The following DPM1 variants were observed in gnomAD, a reference collection of about 807,000 sequenced individuals.
DPM1 encodes the protein dolichol-phosphate mannosyltransferase subunit 1.
Under a neutral mutation model 39.0 loss-of-function variants are expected in DPM1, and 27 were observed. The ratio of observed to expected loss-of-function variants is 0.69; its 90% confidence interval spans 0.51 to 0.95. DPM1 has a LOEUF of 0.95. DPM1 is among the 40% of genes least tolerant of loss of function. The probability of loss-of-function intolerance (pLI) is 0.00; values close to 1 mark genes in which losing one functional copy is unlikely to be tolerated. For missense variants in DPM1, 307 were observed against 315.6 expected, an observed-to-expected ratio of 0.97 and a Z score of 0.21; for synonymous variants, 124 against 109.0, an observed-to-expected ratio of 1.14 and a Z score of -0.86.
chr20:50,948,544 C>A, intron 3 of DPM1, 85 bp downstream of exon 3: 1 of 1,253,500 alleles, frequency 8.0e-7, no homozygotes, highest in Non-Finnish European at 1.2e-6. Flanking sequence ...TGTATTTTGG[C>A]CCTATTCCAA....
chr20:50,938,846 G>A (rs979245557), intron 7 of DPM1, among the ~76,000 whole-genome samples: 4 of 151,624 alleles, frequency 2.6e-5, no homozygotes, highest in African/African-American at 9.7e-5. Context: ...AGGCATGGTG[G>A]CGCACGCCTG....
rs945660974 is a variant in DPM1, at chr20:50,947,189, G to C, written c.296-1266C>G. Among the ~76,000 whole-genome samples, 70 of 151,872 alleles carry C rather than the reference G, an allele frequency of 4.6e-4. 1 individual carries two copies. The highest frequency in any genetic ancestry group is 1.7e-3 in the African/African-American group (69 of 41,364). On this transcript the variant is annotated intron_variant, in intron 3 of 8. Coordinates refer to ENST00000371588, the MANE Select transcript of DPM1 (RefSeq NM_003859.3). ...CGTCATCGCACCCCAGCCTGGGCAA[G>C]AAGAGCGAAACTCCGTCTCAAACAA...
intron 5 of DPM1, 99 bp from the exon 6 acceptor site, chr20:50,942,225 A>C: frequency 9.1e-7 from 1 of 1,104,098 alleles, no homozygotes; most frequent in Non-Finnish European, 1.4e-6. Context: ...AAGTCGACAC[A>C]GGCTGGGTGC....
intron 2 of DPM1, among the ~76,000 whole-genome samples, chr20:50,951,001 C>G (rs1986546137): frequency 6.6e-6 from 1 of 152,202 alleles, no homozygotes; most frequent in African/African-American, 2.4e-5. Flanking sequence ...CTTATATATA[C>G]TTTTTCTTAT....
intron 5 of DPM1, chr20:50,944,280 GTCT>G (rs1315901684): frequency 6.6e-6 from 1 of 152,182 alleles, no homozygotes; most frequent in Non-Finnish European, 1.5e-5. Flanking sequence ...CAGGAAGAAC[GTCT>G]TCTTTTATTA....
At chr20:50,937,870 C>T (rs892148360) in intron 7 of DPM1, among the ~76,000 whole-genome samples, 27 of 151,938 alleles carry the variant, frequency 1.8e-4, no homozygotes, top group African/African-American at 6.5e-4. Context: ...GAGACGGAGA[C>T]TCACTATGTT....
Position 50,945,917 on chromosome 20 carries a change from G to A in DPM1, c.302C>T (p.Ala101Val), listed in dbSNP as rs775392921. 1 of 1,612,738 alleles carries A rather than the reference G, an allele frequency of 6.2e-7. No individual in the cohort carries two copies. Among genetic ancestry groups the A allele is most frequent in the South Asian group, 1.1e-5 (1 of 91,044 alleles). Residue 101 changes from alanine (A) to valine (V), a missense_variant, in exon 4 of 9, where the codon GCA becomes GTA. Coordinates refer to ENST00000371588, the MANE Select transcript of DPM1 (RefSeq NM_003859.3). ...GGCATGTTTCATTCCATGAATATAT[G>A]CAGTTCCTAAAAATGAAAGTAGATC... is the stretch of plus-strand genomic sequence containing the variant. The part of the protein sequence containing the change: ...PREKKLGLGT[A>V]YIHGMKHATG...
At chr20:50,950,187 A>G (rs934707256) in intron 2 of DPM1, among the ~76,000 whole-genome samples, 1 of 152,220 alleles carries the variant, frequency 6.6e-6, no homozygotes, top group Non-Finnish European at 1.5e-5. Flanking sequence ...ATAACAGGCT[A>G]TTTTAAGCTG....
chr20:50,952,157 G>A (rs1986615688), intron 2 of DPM1, among the ~76,000 whole-genome samples: 1 of 152,164 alleles, frequency 6.6e-6, no homozygotes, highest in African/African-American at 2.4e-5. Context: ...CTTTCATGAG[G>A]AACAAGCAAG....
At chr20:50,957,567 A>G (rs1221154180) in intron 1 of DPM1, among the ~76,000 whole-genome samples, 1 of 152,224 alleles carries the variant, frequency 6.6e-6, no homozygotes, top group Admixed American at 6.5e-5. Flanking sequence ...AGAAACAACC[A>G]AAAGGCGCTG....
chr20:50,943,655 G>A (rs1441001676), intron 5 of DPM1, among the ~76,000 whole-genome samples: 2 of 151,584 alleles, frequency 1.3e-5, no homozygotes, highest in East Asian at 3.9e-4. Context: ...ACTGTGCCTG[G>A]CCACAATAAA....
rs747972169 is a variant in DPM1 at position 50,958,461 on chromosome 20, A to T, written c.63T>A (p.Ser21Arg). Residue 21 changes from serine (S) to arginine (R), a missense_variant, in exon 1 of 9, where the codon AGT becomes AGA. Coordinates refer to ENST00000371588, the MANE Select transcript of DPM1 (RefSeq NM_003859.3). ...RRSRRELEVR[S>R]PRQNKYSVLL... ...GCACCGAATATTTGTTCTGTCGTGG[A>T]CTGCGCACTTCCAGCTCCCGCCGAG... is the stretch of plus-strand genomic sequence containing the variant. The T allele has an allele frequency of 1.9e-6, 3 of 1,613,784 alleles. No homozygotes were observed. In the East Asian group the frequency reaches 6.7e-5, roughly 36 times the overall value.
intron 5 of DPM1, among the ~76,000 whole-genome samples, chr20:50,945,395 G>C (rs941521222): frequency 2.0e-5 from 3 of 151,892 alleles, no homozygotes; most frequent in African/African-American, 7.2e-5. Context: ...GACTAGAATG[G>C]AGAGGCATGA....
chr20:50,957,316 C>CT (rs761942395), intron 1 of DPM1, among the ~76,000 whole-genome samples: 2 of 152,102 alleles, frequency 1.3e-5, no homozygotes, highest in Non-Finnish European at 1.5e-5. Context: ...CTTGTACAAC[C>CT]TTTTTTTTCT....
At chr20:50,954,747 A>G (rs1176023342) in intron 2 of DPM1, among the ~76,000 whole-genome samples, 6 of 152,214 alleles carry the variant, frequency 3.9e-5, no homozygotes, top group Admixed American at 2.6e-4. Context: ...TTCACAAGAA[A>G]ACAGTAACTT....
At chr20:50,946,511 A>G (rs1300054816) in intron 3 of DPM1, among the ~76,000 whole-genome samples, 2 of 152,240 alleles carry the variant, frequency 1.3e-5, no homozygotes, top group Admixed American at 6.5e-5. Flanking sequence ...ATTAAGTCCT[A>G]TTGATTCTCC....
chr20:50,937,025 C>T (rs922459341), intron 7 of DPM1, among the ~76,000 whole-genome samples: 2 of 151,100 alleles, frequency 1.3e-5, no homozygotes, highest in Non-Finnish European at 2.9e-5. Context: ...CAGGGAGCTC[C>T]GTATTTTCAG....
chr20:50,948,529 G>C, intron 3 of DPM1, 100 bp downstream of exon 3: 1 of 1,073,814 alleles, frequency 9.3e-7, no homozygotes, highest in Non-Finnish European at 1.5e-6. Flanking sequence ...ATCATAGGAA[G>C]TTACTGTATT....
intron 8 of DPM1, among the ~76,000 whole-genome samples, chr20:50,935,549 T>C (rs571078235): frequency 2.0e-5 from 3 of 152,336 alleles, no homozygotes; most frequent in African/African-American, 7.2e-5. Context: ...AAAAGTAAAA[T>C]GGCCTTGTGC....
Sources: allele counts gnomAD v4.1 joint callset (sites outside exome capture counted in the v4.1 genomes callset), GRCh38; gene constraint gnomAD v4.1.1; transcripts MANE v1.5; gene names NCBI Gene and HGNC (gene_info 2026-07-23, HGNC 2026-07-21).